The following LARP1 variants were observed in gnomAD, a reference collection of about 807,000 sequenced individuals.
LARP1 encodes La ribonucleoprotein 1, translational regulator.
Under a neutral mutation model 122.7 loss-of-function variants are expected in LARP1, and 36 were observed. That is an observed-to-expected ratio of 0.29 (90% CI 0.22 to 0.39). The LOEUF is 0.39. LARP1 is among the 10% of genes least tolerant of loss of function. The pLI is 1.00. For synonymous variants in LARP1, 539 were observed against 528.7 expected, an observed-to-expected ratio of 1.02 and a Z score of -0.27; for missense variants, 1,040 against 1,403.6, an observed-to-expected ratio of 0.74 and a Z score of 4.14.
At position 154,802,131 on chromosome 5, in the gene LARP1, A is replaced by G. The variant is rs1758402340; in HGVS notation, c.1841A>G (p.Glu614Gly). 1.2e-6 allele frequency: 2 copies of G among 1,614,062 alleles called. No individual in the cohort carries two copies. Among genetic ancestry groups the G allele is most frequent in the Admixed American group, 1.7e-5 (1 of 59,998 alleles). The change falls in exon 11 of 19, where the codon GAG becomes GGG. Residue 614 changes from glutamate to glycine, a missense_variant. This residue lies in a region of LARP1 where 362 missense variants were observed against 533.1 expected (regional missense o/e 0.68). Coordinates refer to ENST00000518297, the MANE Select transcript of LARP1 (RefSeq NM_033551.3). This position sits in a 1 kb window ranked among gnomAD's most constrained non-coding sequence, Gnocchi z 5.1. ...GATTTTCTGTTTGACGAGGAGATGG[A>G]GCAGATGGATGGGCGGAAGAACACC... ...ELDFLFDEEM[E>G]QMDGRKNTFT...
chr5:154,766,190 T>C (rs1475441375), intron 1 of LARP1, among the ~76,000 whole-genome samples: 1 of 152,216 alleles, frequency 6.6e-6, no homozygotes, highest in Admixed American at 6.5e-5. Context: ...AGTCCTGCCT[T>C]GTAATCTGTG....
intron 1 of LARP1, among the ~76,000 whole-genome samples, chr5:154,743,068 A>G (rs1215663473): frequency 3.3e-5 from 5 of 152,230 alleles, no homozygotes; most frequent in Admixed American, 2.6e-4. Context: ...GAGATGACCT[A>G]CAGCCAAACA....
rs1385843706 is a variant in LARP1 at position 154,792,795 on chromosome 5, A to G, written c.738A>G (p.Lys246=). Residue 246 remains lysine (K), a splice_region_variant and synonymous_variant, in exon 4 of 19, where the codon AAA becomes AAG. Transcript: ENST00000518297. The part of the protein sequence containing the change: ...EDCQRGGQKK[K]GNKHKWVPLQ... Reference sequence around the variant, plus strand: ...GCCAGCGAGGCGGGCAGAAGAAGAAAGGTGAGTGACTGGGAGCAGGACTTG... The same window carrying G: ...GCCAGCGAGGCGGGCAGAAGAAGAAGGGTGAGTGACTGGGAGCAGGACTTG... The G allele has an allele frequency of 1.2e-6, 2 of 1,613,680 alleles. No individual in the cohort carries two copies. The highest frequency in any genetic ancestry group is 1.3e-5 in the African/African-American group (1 of 74,924).
intron 1 of LARP1, among the ~76,000 whole-genome samples, chr5:154,717,951 T>C (rs185351210): frequency 1.3e-5 from 2 of 152,202 alleles, no homozygotes; most frequent in Non-Finnish European, 2.9e-5. Context: ...AGTGTTTCAC[T>C]CTGTCACCCA....
intron 1 of LARP1, among the ~76,000 whole-genome samples, chr5:154,706,125 A>G (rs1212609686): frequency 6.6e-6 from 1 of 151,844 alleles, no homozygotes; most frequent in African/African-American, 2.4e-5. Flanking sequence ...GCGAAACCCC[A>G]TCTCTACTAA....
In LARP1 at chr5:154,808,559, G is replaced by A. The variant is rs774094506; in HGVS notation, c.2799G>A (p.Glu933=). 4 of 1,613,914 alleles carry A rather than the reference G, an allele frequency of 2.5e-6. No individual in the cohort carries two copies. The South Asian group carries it at 3.3e-5, about 13-fold the overall frequency. ...LRDHFNKKMY[E]EFKQLALEDA... is the part of the protein sequence containing the mutation. ...ATCACTTCAACAAAAAGATGTATGAGGAGTTCAAGCAGCTGGCTCTGGAGG... is the reference window on the plus strand; with the variant it reads ...ATCACTTCAACAAAAAGATGTATGAAGAGTTCAAGCAGCTGGCTCTGGAGG... Residue 933 remains glutamate, a synonymous_variant, in exon 16 of 19, where the codon GAG becomes GAA. Transcript: ENST00000518297.
chr5:154,732,436 C>G (rs1021690289), intron 1 of LARP1, among the ~76,000 whole-genome samples: 4 of 152,186 alleles, frequency 2.6e-5, no homozygotes, highest in African/African-American at 7.2e-5. Flanking sequence ...GGATCCAACT[C>G]TGATGAACTA....
Position 154,814,358 on chromosome 5 carries a change from G to T in LARP1, c.*262G>T. On this transcript the variant is annotated 3_prime_UTR_variant, in exon 19 of 19. Coordinates refer to ENST00000518297, the MANE Select transcript of LARP1 (RefSeq NM_033551.3). ...TCTAAGGGGGGAGGGAAAGGGGGGA[G>T]ATTTTTATATATATATACATATATA... 1 of 285,076 alleles carries T rather than the reference G, an allele frequency of 3.5e-6. No individual in the cohort carries two copies. Among genetic ancestry groups the T allele is most frequent in the Non-Finnish European group, 6.6e-6 (1 of 151,042 alleles). The allele number at this position is 285,076 out of a possible 1,614,324, so 17.7% of individuals were successfully genotyped here.
intron 1 of LARP1, among the ~76,000 whole-genome samples, chr5:154,748,647 A>T (rs746982136): frequency 1.3e-5 from 2 of 152,190 alleles, no homozygotes; most frequent in Non-Finnish European, 2.9e-5. Flanking sequence ...ATGAAAGGGA[A>T]TATTACTTAG....
In LARP1 at chr5:154,779,578, G is replaced by A. The variant is rs149068762; in HGVS notation, c.437-10747G>A. On this transcript the variant is annotated intron_variant, in intron 1 of 18. Transcript: ENST00000518297. ...GACTGGAGTGCAGTGGCGCAATCTC[G>A]GCTCACCGCAACCTCCACCTCCCGG... 2.5e-3 allele frequency among the ~76,000 whole-genome samples: 375 copies of A among 147,178 alleles called. 3 individuals are homozygous for A. Among genetic ancestry groups the A allele is most frequent in the African/African-American group, 8.8e-3 (350 of 39,680 alleles).
At chr5:154,701,912 C>T (rs1754740598) in intron 1 of LARP1, among the ~76,000 whole-genome samples, 1 of 152,128 alleles carries the variant, frequency 6.6e-6, no homozygotes, top group Non-Finnish European at 1.5e-5. Flanking sequence ...TGAGTCACTG[C>T]ACCCGGCCAA....
At chr5:154,773,534 C>T (rs1326847905) in intron 1 of LARP1, among the ~76,000 whole-genome samples, 1 of 152,146 alleles carries the variant, frequency 6.6e-6, no homozygotes, top group Non-Finnish European at 1.5e-5. Context: ...TGCATGTTCC[C>T]CCACAGCACT....
chr5:154,738,656 T>C (rs766037605), intron 1 of LARP1, among the ~76,000 whole-genome samples: 4 of 151,966 alleles, frequency 2.6e-5, no homozygotes, highest in Non-Finnish European at 5.9e-5. Context: ...TCCAATATGA[T>C]GACTTTCTGA....
chr5:154,722,458 G>T (rs893144807), intron 1 of LARP1, among the ~76,000 whole-genome samples: 2 of 152,044 alleles, frequency 1.3e-5, no homozygotes, highest in African/African-American at 4.8e-5. Context: ...TAGAGAACAG[G>T]TGTGACCCTG....
chr5:154,736,541 TTTATTTA>T (rs1561554074), intron 1 of LARP1, among the ~76,000 whole-genome samples: 120 of 92,624 alleles, frequency 1.3e-3, no homozygotes, highest in South Asian at 7.7e-4. Context: ...CCTATTTTTA[TTTATTTA>T]TTTATTTATT....
intron 1 of LARP1, among the ~76,000 whole-genome samples, chr5:154,697,899 C>T (rs1395667486): frequency 1.1e-4 from 17 of 152,176 alleles, no homozygotes; most frequent in Admixed American, 1.3e-4. Flanking sequence ...CATCATGGCT[C>T]ACTGCAGCCT....
chr5:154,800,578 AAGGAAGG>A lies in LARP1; in HGVS notation c.1716+539_1716+545del, dbSNP rs879406896. 6.8e-3 allele frequency among the ~76,000 whole-genome samples: 1,039 copies of A among 152,310 alleles called. 2 individuals carry two copies. Among genetic ancestry groups the A allele is most frequent in the Middle Eastern group, 0.024 (7 of 294 alleles). ...CTTCAGTTTCTCCATCTGCAGATGAAAGGAAGGAGACATTAGAATATTCTAGAAATAG... is the reference window on the plus strand; with the variant it reads ...CTTCAGTTTCTCCATCTGCAGATGAAAGACATTAGAATATTCTAGAAATAG... On this transcript the variant is annotated intron_variant, in intron 10 of 18. Coordinates refer to ENST00000518297, the MANE Select transcript of LARP1 (RefSeq NM_033551.3).
chr5:154,699,374 A>T (rs1275213488), intron 1 of LARP1, among the ~76,000 whole-genome samples: 1 of 152,184 alleles, frequency 6.6e-6, no homozygotes, highest in East Asian at 1.9e-4. Context: ...CTGCATTTTA[A>T]ATAAAGCATT....
intron 1 of LARP1, among the ~76,000 whole-genome samples, chr5:154,721,712 C>T (rs1360149283): frequency 6.6e-6 from 1 of 152,190 alleles, no homozygotes; most frequent in African/African-American, 2.4e-5. Flanking sequence ...TCAAGTTTCT[C>T]ATTTGCAAGA....
Sources: allele counts gnomAD v4.1 joint callset (sites outside exome capture counted in the v4.1 genomes callset), GRCh38; gene constraint gnomAD v4.1.1; regional missense constraint gnomAD v4.1.1; non-coding constraint Gnocchi (gnomAD v3.1); transcripts MANE v1.5; gene names NCBI Gene and HGNC (gene_info 2026-07-23, HGNC 2026-07-21).